Variants in SCFD2 observed in about 807,000 individuals in gnomAD.
SCFD2 encodes the protein sec1 family domain-containing protein 2.
In SCFD2, 54 loss-of-function variants were observed where a neutral mutation model predicts 58.9. That is an observed-to-expected ratio of 0.92 (90% CI 0.74 to 1.15). SCFD2 has a LOEUF of 1.15. Among genes scored for constraint, SCFD2 ranks in the 50% most tolerant of loss-of-function variants. SCFD2 has a pLI of 0.00. For synonymous variants in SCFD2, 321 were observed against 335.9 expected (o/e 0.96, Z 0.49); for missense variants, 805 against 836.6 (o/e 0.96, Z 0.47).
At chr4:53,083,742 A>G (rs1430377474) in intron 5 of SCFD2, among the ~76,000 whole-genome samples, 1 of 152,216 alleles carries the variant, frequency 6.6e-6, no homozygotes, top group East Asian at 1.9e-4. Context: ...ATCACATATC[A>G]GTAGGACTGT....
At chr4:53,040,132 C>T (rs1248834957) in intron 5 of SCFD2, among the ~76,000 whole-genome samples, 2 of 152,120 alleles carry the variant, frequency 1.3e-5, no homozygotes, top group Non-Finnish European at 2.9e-5. Context: ...TTCTGAAATC[C>T]TACTTATAAA....
chr4:53,166,311 C>T (rs76957871), intron 4 of SCFD2, among the ~76,000 whole-genome samples: 166 of 152,216 alleles, frequency 1.1e-3, no homozygotes, highest in African/African-American at 3.8e-3. Flanking sequence ...AAACAGGAGG[C>T]GACCTCAGAG....
intron 2 of SCFD2, among the ~76,000 whole-genome samples, chr4:53,328,591 T>A (rs1318338968): frequency 6.6e-6 from 1 of 152,122 alleles, no homozygotes; most frequent in Non-Finnish European, 1.5e-5. Flanking sequence ...AAAAAATACA[T>A]ATATACAAAC....
At chr4:53,266,442 T>C (rs1268785977) in intron 4 of SCFD2, among the ~76,000 whole-genome samples, 1 of 152,110 alleles carries the variant, frequency 6.6e-6, no homozygotes, top group Non-Finnish European at 1.5e-5. Context: ...ACATGACACA[T>C]AAATATGTGT....
intron 3 of SCFD2, among the ~76,000 whole-genome samples, chr4:53,276,360 C>T (rs894144655): frequency 2.6e-5 from 4 of 151,984 alleles, no homozygotes; most frequent in Non-Finnish European, 4.4e-5. Flanking sequence ...CAACATCAAA[C>T]AAGTTTAAAA....
chr4:53,092,277 G>C (rs1295965745), intron 5 of SCFD2, among the ~76,000 whole-genome samples: 1 of 152,034 alleles, frequency 6.6e-6, no homozygotes, highest in Non-Finnish European at 1.5e-5. Context: ...ATAACAGGTC[G>C]TATTTTTTAA....
chr4:53,146,597 T>C (rs1726338672), intron 4 of SCFD2, among the ~76,000 whole-genome samples: 2 of 152,168 alleles, frequency 1.3e-5, no homozygotes, highest in South Asian at 2.1e-4. Flanking sequence ...CCTGCTTTCA[T>C]AGAGTTTACA....
chr4:53,352,823 GATAAAT>G, intron 1 of SCFD2, 57 bp from the exon 2 acceptor site: 5 of 1,451,940 alleles, frequency 3.4e-6, no homozygotes, highest in African/African-American at 1.4e-5. Context: ...AAGCAAGTTG[GATAAAT>G]GTTTTATCAC....
At chr4:53,316,127 C>G (rs1577961542) in intron 2 of SCFD2, among the ~76,000 whole-genome samples, 1 of 152,230 alleles carries the variant, frequency 6.6e-6, no homozygotes, top group African/African-American at 2.4e-5. Flanking sequence ...TTGCCTATCA[C>G]AGCATCTTAT....
At chr4:53,278,181 A>G (rs1389188964) in intron 3 of SCFD2, among the ~76,000 whole-genome samples, 1 of 152,078 alleles carries the variant, frequency 6.6e-6, no homozygotes, top group Non-Finnish European at 1.5e-5. Context: ...AGCCTGACCA[A>G]CAAGGTGAAA....
chr4:53,351,495 A>G (rs1734218865), intron 2 of SCFD2, among the ~76,000 whole-genome samples: 1 of 152,208 alleles, frequency 6.6e-6, no homozygotes, highest in Admixed American at 6.5e-5. Flanking sequence ...TGACTCCCCA[A>G]CAAAAAGAGT....
At chr4:52,940,302 A>C (rs1441839086) in intron 5 of SCFD2, among the ~76,000 whole-genome samples, 11 of 152,032 alleles carry the variant, frequency 7.2e-5, no homozygotes, top group Non-Finnish European at 1.5e-4. Flanking sequence ...TTCCGACTAC[A>C]CTCAGCATGT....
chr4:53,120,087 G>C (rs1725436694), intron 5 of SCFD2, among the ~76,000 whole-genome samples: 1 of 152,150 alleles, frequency 6.6e-6, no homozygotes, highest in African/African-American at 2.4e-5. Flanking sequence ...TATTTTTACA[G>C]TCTAGTGACA....
At chr4:53,313,541 G>A (rs1421147256) in intron 3 of SCFD2, 95 bp downstream of exon 3, 1 of 1,433,076 alleles carries the variant, frequency 7.0e-7, no homozygotes, top group African/African-American at 1.4e-5. Flanking sequence ...TTACTACTTT[G>A]GCCTAGATTC....
chr4:53,023,254 T>C (rs528181077), intron 5 of SCFD2, among the ~76,000 whole-genome samples: 3 of 152,314 alleles, frequency 2.0e-5, no homozygotes, highest in African/African-American at 7.2e-5. Context: ...CAAAGATGAA[T>C]ATTGCTAAGA....
intron 4 of SCFD2, among the ~76,000 whole-genome samples, chr4:53,182,584 T>C (rs1203556561): frequency 6.6e-6 from 1 of 152,180 alleles, no homozygotes; most frequent in Non-Finnish European, 1.5e-5. Context: ...ATTCAGGACA[T>C]AGGCATGGGC....
At chr4:52,918,508 C>T (rs1194853606) in intron 6 of SCFD2, among the ~76,000 whole-genome samples, 1 of 151,820 alleles carries the variant, frequency 6.6e-6, no homozygotes, top group African/African-American at 2.4e-5. Flanking sequence ...ACTGAAAAAC[C>T]CAGAGGTAAA....
At chr4:53,114,468 C>T (rs530742973) in intron 5 of SCFD2, among the ~76,000 whole-genome samples, 1 of 152,228 alleles carries the variant, frequency 6.6e-6, no homozygotes, top group Admixed American at 6.5e-5. Flanking sequence ...GTAAGTATAT[C>T]ATTCTTCTTG....
chr4:53,234,628 A>C (rs1262244083), intron 4 of SCFD2, among the ~76,000 whole-genome samples: 1 of 152,192 alleles, frequency 6.6e-6, no homozygotes, highest in Non-Finnish European at 1.5e-5. Context: ...AAATTTTAAA[A>C]ATTTAGGTTT....
Sources: gnomAD v4.1 joint callset for allele counts (sites outside exome capture counted in the v4.1 genomes callset) on GRCh38, gnomAD v4.1.1 for gene constraint, MANE v1.5 for transcripts, NCBI Gene and HGNC (gene_info 2026-07-23, HGNC 2026-07-21) for gene names.